The following SLAIN1 variants were observed in gnomAD, a reference collection of about 807,000 sequenced individuals.
SLAIN1 encodes SLAIN family member 1, also known as SLAIN motif-containing protein 1.
Under a neutral mutation model 55.4 loss-of-function variants are expected in SLAIN1, and 17 were observed. The ratio of observed to expected loss-of-function variants is 0.31; its 90% CI spans 0.21 to 0.46. The LOEUF (loss-of-function observed/expected upper bound fraction) is 0.46. Ranked by LOEUF, SLAIN1 falls within the 20% of genes least tolerant of loss-of-function variation. The probability of loss-of-function intolerance (pLI) is 1.00; values close to 1 mark genes in which losing one functional copy is unlikely to be tolerated. For synonymous variants in SLAIN1, 348 were observed against 337.4 expected (o/e 1.03, Z -0.35); for missense variants, 682 against 785.1 (o/e 0.87, Z 1.57).
intron 2 of SLAIN1, chr13:77,743,000 T>G: frequency 7.8e-7 from 1 of 1,281,776 alleles, no homozygotes; most frequent in Non-Finnish European, 1.0e-6. Context: ...GCTGCTATTT[T>G]CTGCTTCTGT....
intron 2 of SLAIN1, among the ~76,000 whole-genome samples, chr13:77,741,000 G>A (rs9544591): frequency 0.045 from 6,808 of 152,096 alleles, 212 homozygotes; most frequent in Middle Eastern, 0.068. Flanking sequence ...TGCAATAGAC[G>A]CTAATTGTGT....
chr13:77,758,808 A>G (rs962040265), intron 5 of SLAIN1, among the ~76,000 whole-genome samples: 1 of 152,160 alleles, frequency 6.6e-6, no homozygotes, highest in African/African-American at 2.4e-5. Flanking sequence ...TAGCAGTACC[A>G]TGCTGTTTTG....
At chr13:77,756,570 T>C (rs1874623180) in intron 5 of SLAIN1, among the ~76,000 whole-genome samples, 1 of 152,194 alleles carries the variant, frequency 6.6e-6, no homozygotes, top group Admixed American at 6.5e-5. Flanking sequence ...CCAGCAACTT[T>C]GCTAAATTAA....
At chr13:77,743,289 C>T in intron 2 of SLAIN1, 2 of 763,506 alleles carry the variant, frequency 2.6e-6, no homozygotes, top group Non-Finnish European at 3.6e-6. Flanking sequence ...TTGTGCTGCA[C>T]ACTTACTTTG....
At chr13:77,737,276 T>C (rs1311875420) in intron 2 of SLAIN1, among the ~76,000 whole-genome samples, 1 of 152,064 alleles carries the variant, frequency 6.6e-6, no homozygotes, top group Admixed American at 6.6e-5. Context: ...AATTTTCTGC[T>C]TGTGCTTTTG....
intron 6 of SLAIN1, 135 bp from the exon 7 acceptor site, chr13:77,762,995 AGTGTGAACCACAAGG>A (rs1875164915): frequency 1.6e-6 from 1 of 625,616 alleles, no homozygotes; most frequent in Non-Finnish European, 2.8e-6. Flanking sequence ...AAGACCCGTA[AGTGTGAACCACAAGG>A]TACACTTGAG....
intron 1 of SLAIN1, among the ~76,000 whole-genome samples, chr13:77,708,935 A>G (rs1200458532): frequency 1.3e-5 from 2 of 152,018 alleles, no homozygotes; most frequent in Non-Finnish European, 2.9e-5. Flanking sequence ...ACAGAAATAG[A>G]CTTCAGAAGG....
At chr13:77,699,010 C>G in intron 1 of SLAIN1, 1 of 1,535,196 alleles carries the variant, frequency 6.5e-7, no homozygotes, top group Non-Finnish European at 8.7e-7. Context: ...TCTTCCTCCT[C>G]GGGTGGCATC....
chr13:77,718,882 C>T (rs2091233721), intron 1 of SLAIN1, among the ~76,000 whole-genome samples: 1 of 152,074 alleles, frequency 6.6e-6, no homozygotes, highest in Non-Finnish European at 1.5e-5. Flanking sequence ...TCCGGGTAGT[C>T]ATTTTGAATA....
intron 5 of SLAIN1, among the ~76,000 whole-genome samples, chr13:77,754,128 A>C (rs1318754256): frequency 6.6e-6 from 1 of 152,176 alleles, no homozygotes; most frequent in Non-Finnish European, 1.5e-5. Context: ...AAAAATGCCC[A>C]AACTTGGGAG....
At chr13:77,761,521 C>A (rs992486569) in intron 6 of SLAIN1, among the ~76,000 whole-genome samples, 1 of 152,060 alleles carries the variant, frequency 6.6e-6, no homozygotes, top group Non-Finnish European at 1.5e-5. Flanking sequence ...GCTGTGTATC[C>A]CCGATGCCAA....
intron 5 of SLAIN1, among the ~76,000 whole-genome samples, chr13:77,760,015 T>A (rs188215139): frequency 2.0e-5 from 3 of 152,342 alleles, no homozygotes; most frequent in Non-Finnish European, 4.4e-5. Context: ...ATTTCATGAT[T>A]AAGTAAATTC....
chr13:77,723,708 T>C (rs1275704858), intron 2 of SLAIN1, among the ~76,000 whole-genome samples: 2 of 152,212 alleles, frequency 1.3e-5, no homozygotes, highest in Non-Finnish European at 2.9e-5. Flanking sequence ...TCTTTTATTC[T>C]TGGTATTCTG....
At chr13:77,749,146 A>G (rs561271812) in intron 4 of SLAIN1, among the ~76,000 whole-genome samples, 7 of 152,296 alleles carry the variant, frequency 4.6e-5, no homozygotes, top group Middle Eastern at 3.4e-3. Context: ...TATCAAAATA[A>G]TATAGATAGA....
In SLAIN1 at chr13:77,698,103, C is replaced by T. The variant is rs754756004; in HGVS notation, c.190C>T (p.Pro64Ser). The T allele has an allele frequency of 3.2e-5, 34 of 1,056,782 alleles. No individual in the cohort carries two copies. In the East Asian group the frequency reaches 1.1e-3, roughly 35 times the overall value. The allele number at this position is 1,056,782 out of a possible 1,614,324, so 65.5% of individuals were successfully genotyped here. The part of the protein sequence containing the change: ...AAAPHLLLLP[P>S]PPPAAPPPAG... ...CGCCCCGCACCTGCTGCTGCTGCCG[C>T]CGCCGCCGCCCGCCGCGCCGCCCCC... Residue 64 changes from proline to serine, a missense_variant, in exon 1 of 7, where the codon CCG becomes TCG. Physicochemically the swap from Pro to Ser is moderately conservative, Grantham distance 74. Coordinates refer to ENST00000418532, the MANE Select transcript of SLAIN1 (RefSeq NM_001242868.2). The surrounding 1 kb of genome is among the most constrained non-coding windows in gnomAD (Gnocchi z 4.1).
At chr13:77,713,994 G>A (rs1029318882) in intron 1 of SLAIN1, among the ~76,000 whole-genome samples, 3 of 151,786 alleles carry the variant, frequency 2.0e-5, no homozygotes, top group African/African-American at 4.8e-5. Context: ...GACACAGGGA[G>A]TGGAACATCA....
intron 2 of SLAIN1, among the ~76,000 whole-genome samples, chr13:77,730,757 G>C (rs1021277581): frequency 6.6e-6 from 1 of 152,144 alleles, no homozygotes; most frequent in African/African-American, 2.4e-5. Flanking sequence ...GTCATCGGGT[G>C]TGTCCTGTAC....
intron 1 of SLAIN1, among the ~76,000 whole-genome samples, chr13:77,714,666 A>G (rs920288192): frequency 3.9e-5 from 6 of 152,152 alleles, no homozygotes; most frequent in African/African-American, 1.4e-4. Context: ...GTGACTTTTT[A>G]AAAACTGCTT....
At chr13:77,738,002 G>C (rs186615038) in intron 2 of SLAIN1, among the ~76,000 whole-genome samples, 2 of 152,132 alleles carry the variant, frequency 1.3e-5, no homozygotes, top group East Asian at 3.9e-4. Flanking sequence ...TAGGGGCCAG[G>C]CAGACTTCTC....
Sources: allele counts gnomAD v4.1 joint callset (sites outside exome capture counted in the v4.1 genomes callset), GRCh38; gene constraint gnomAD v4.1.1; non-coding constraint Gnocchi (gnomAD v3.1); transcripts MANE v1.5; gene names NCBI Gene and HGNC (gene_info 2026-07-23, HGNC 2026-07-21).